Variants in MAP3K5 observed in about 807,000 individuals in gnomAD.
MAP3K5 encodes ASK-1.
Under a neutral mutation model 158.7 loss-of-function variants are expected in MAP3K5, and 56 were observed. The ratio of observed to expected loss-of-function variants is 0.35; its 90% confidence interval spans 0.28 to 0.44. The LOEUF is 0.44. Among genes scored for constraint, MAP3K5 ranks in the 20% least tolerant of loss-of-function variants. The pLI is 1.00. For missense variants in MAP3K5, 1,294 were observed against 1,674.8 expected (o/e 0.77, Z 3.97); for synonymous variants, 579 against 601.7 (o/e 0.96, Z 0.55).
At chr6:136,626,533 G>T (rs1404592883) in intron 14 of MAP3K5, among the ~76,000 whole-genome samples, 2 of 152,164 alleles carry the variant, frequency 1.3e-5, no homozygotes, top group Non-Finnish European at 2.9e-5. Context: ...CTGGGCTCCT[G>T]CGAGGAGACA....
At chr6:136,634,301 C>T (rs564726870) in intron 14 of MAP3K5, among the ~76,000 whole-genome samples, 1 of 152,298 alleles carries the variant, frequency 6.6e-6, no homozygotes, top group South Asian at 2.1e-4. Context: ...GGGAGAGGGA[C>T]AACCACGATG....
chr6:136,622,351 T>C (rs936825048), intron 15 of MAP3K5, among the ~76,000 whole-genome samples: 2 of 152,186 alleles, frequency 1.3e-5, no homozygotes, highest in African/African-American at 4.8e-5. Flanking sequence ...CATGGATTTC[T>C]GCTCAGTAAG....
chr6:136,751,785 C>T (rs890827750), intron 1 of MAP3K5, among the ~76,000 whole-genome samples: 4 of 152,126 alleles, frequency 2.6e-5, no homozygotes, highest in Admixed American at 6.5e-5. Flanking sequence ...TTCTTGTAAT[C>T]GAAGCCACCA....
intron 2 of MAP3K5, among the ~76,000 whole-genome samples, chr6:136,715,862 C>T (rs1261739924): frequency 1.3e-5 from 2 of 151,516 alleles, no homozygotes; most frequent in Non-Finnish European, 2.9e-5. Flanking sequence ...GAAACCCCGT[C>T]TCTACTAAAA....
intron 1 of MAP3K5, among the ~76,000 whole-genome samples, chr6:136,745,041 T>C (rs895807336): frequency 2.0e-5 from 3 of 152,168 alleles, no homozygotes; most frequent in Non-Finnish European, 4.4e-5. Flanking sequence ...TAAATTGCTC[T>C]TAAAATGAAG....
chr6:136,785,845 C>A (rs1436988071), intron 1 of MAP3K5, among the ~76,000 whole-genome samples: 1 of 152,132 alleles, frequency 6.6e-6, no homozygotes, highest in African/African-American at 2.4e-5. Flanking sequence ...TTTTAGGTTT[C>A]AGAAACAGAA....
At chr6:136,725,314 G>T (rs538479417) in intron 1 of MAP3K5, among the ~76,000 whole-genome samples, 7 of 152,132 alleles carry the variant, frequency 4.6e-5, no homozygotes, top group Non-Finnish European at 1.0e-4. Flanking sequence ...TTGCATTCCC[G>T]CCAGCAAAGT....
intron 8 of MAP3K5, among the ~76,000 whole-genome samples, chr6:136,664,790 G>C (rs1389208512): frequency 6.6e-6 from 1 of 152,166 alleles, no homozygotes; most frequent in East Asian, 1.9e-4. Context: ...AATTAGTTGG[G>C]CATGGTGGCA....
intron 1 of MAP3K5, among the ~76,000 whole-genome samples, chr6:136,775,503 C>T (rs1283271042): frequency 6.6e-6 from 1 of 152,170 alleles, no homozygotes; most frequent in Non-Finnish European, 1.5e-5. Flanking sequence ...TTCTTCTATG[C>T]TCTCAGAAAA....
intron 2 of MAP3K5, among the ~76,000 whole-genome samples, chr6:136,711,145 T>C (rs1781290021): frequency 6.6e-6 from 1 of 152,100 alleles, no homozygotes; most frequent in African/African-American, 2.4e-5. Flanking sequence ...TGTTTACATG[T>C]TATGCCTACA....
At chr6:136,591,625 T>C (rs1271619952) in intron 23 of MAP3K5, among the ~76,000 whole-genome samples, 4 of 152,270 alleles carry the variant, frequency 2.6e-5, no homozygotes, top group African/African-American at 9.6e-5. Flanking sequence ...TTTGGTTATA[T>C]GTAATTTTGC....
At chr6:136,579,345 C>T (rs1774765057) in intron 25 of MAP3K5, among the ~76,000 whole-genome samples, 2 of 152,092 alleles carry the variant, frequency 1.3e-5, no homozygotes, top group Non-Finnish European at 2.9e-5. Context: ...GAATACACTC[C>T]TCACTTATGC....
chr6:136,716,639 C>T (rs1216318702), intron 2 of MAP3K5, among the ~76,000 whole-genome samples: 1 of 152,136 alleles, frequency 6.6e-6, no homozygotes, highest in African/African-American at 2.4e-5. Flanking sequence ...CCAGGAGTGT[C>T]CAGACTTACT....
Position 136,596,687 on chromosome 6 carries a change from T to C in MAP3K5, c.2879-4073A>G, listed in dbSNP as rs78826349. ...GCCTTCTGTAGGAAAATGGATGTTT[T>C]CTCTATTGTAAGGGGTGGAAAGAGC... is the stretch of plus-strand genomic sequence containing the variant. On this transcript the variant is annotated intron_variant, in intron 21 of 29. Transcript: ENST00000359015. Among the ~76,000 whole-genome samples the C allele has an allele frequency of 2.4e-3, 363 of 152,282 alleles. 1 individual carries two copies. The highest frequency in any genetic ancestry group is 8.4e-3 in the African/African-American group (347 of 41,556).
intron 25 of MAP3K5, among the ~76,000 whole-genome samples, chr6:136,578,992 G>A (rs1038985971): frequency 5.3e-5 from 8 of 151,110 alleles, no homozygotes; most frequent in Non-Finnish European, 7.4e-5. Context: ...GCAACAGAGT[G>A]AGACTTCATC....
At chr6:136,670,767 C>T (rs536417011) in intron 7 of MAP3K5, among the ~76,000 whole-genome samples, 34 of 152,198 alleles carry the variant, frequency 2.2e-4, no homozygotes, top group East Asian at 1.9e-4. Flanking sequence ...TTAGAACAAG[C>T]ATCTCTGAAT....
intron 26 of MAP3K5, among the ~76,000 whole-genome samples, chr6:136,563,164 C>G (rs1456902149): frequency 6.6e-6 from 1 of 152,150 alleles, no homozygotes; most frequent in African/African-American, 2.4e-5. Context: ...CTTTGGAAGA[C>G]TGTGCTTGCC....
chr6:136,608,762 A>G (rs546626795), intron 18 of MAP3K5, among the ~76,000 whole-genome samples: 4 of 152,360 alleles, frequency 2.6e-5, no homozygotes, highest in South Asian at 2.1e-4. Context: ...ATGAATTTCA[A>G]TAAAACAACA....
intron 11 of MAP3K5, among the ~76,000 whole-genome samples, chr6:136,643,617 T>C (rs1446758805): frequency 6.6e-6 from 1 of 152,206 alleles, no homozygotes; most frequent in Non-Finnish European, 1.5e-5. Flanking sequence ...AATTCTTTGC[T>C]AGGTCCATGC....
Sources: gnomAD v4.1 joint callset for allele counts (sites outside exome capture counted in the v4.1 genomes callset) on GRCh38, gnomAD v4.1.1 for gene constraint, MANE v1.5 for transcripts, NCBI Gene and HGNC (gene_info 2026-07-23, HGNC 2026-07-21) for gene names.